Variants in NELL1 observed in about 807,000 individuals in gnomAD.
NELL1 encodes protein kinase C-binding protein NELL1.
Under a neutral mutation model 107.4 loss-of-function variants are expected in NELL1, and 76 were observed. That is an observed-to-expected ratio of 0.71 (90% CI 0.59 to 0.86). The LOEUF is 0.86. Among genes scored for constraint, NELL1 ranks in the 40% least tolerant of loss-of-function variants. The pLI, the probability that NELL1 is intolerant of heterozygous loss-of-function variation, is 0.00. For missense variants in NELL1, 1,024 were observed against 1,005.5 expected (o/e 1.02, Z -0.25); for synonymous variants, 353 against 341.2 (o/e 1.03, Z -0.38).
rs202192711 is a variant in NELL1 at position 20,751,039 on chromosome 11, GTT to G, written c.185-32639_185-32638del. Among the ~76,000 whole-genome samples the G allele has an allele frequency of 5.5e-4, 83 of 151,004 alleles. 1 individual carries two copies. The South Asian group carries it at 0.016, about 28-fold the overall frequency. ...TATTTGTCTATGTGTGTGTGTGTGT[GTT>G]TGTGTGTGTGTGTGTATATATGAAT... On this transcript the variant is annotated intron_variant, in intron 2 of 19. Transcript: ENST00000357134.
chr11:21,077,698 G>T (rs893605467), intron 12 of NELL1, among the ~76,000 whole-genome samples: 1 of 150,612 alleles, frequency 6.6e-6, no homozygotes, highest in Non-Finnish European at 1.5e-5. Context: ...AGCCAAGATT[G>T]CATCACCGCA....
rs1488553358 is a variant in NELL1, at chr11:20,804,345, C to T, written c.335+20515C>T. Among the ~76,000 whole-genome samples the T allele has an allele frequency of 2.6e-5, 4 of 152,290 alleles. No individual in the cohort carries two copies. The East Asian group carries it at 5.8e-4, about 22-fold the overall frequency. Reference sequence around the variant, plus strand: ...CTGCCTCCTGAGTTCAAGCAAGTCTCCTGCCTTGGCCTCTCAAGTAGCTGA... The same window carrying T: ...CTGCCTCCTGAGTTCAAGCAAGTCTTCTGCCTTGGCCTCTCAAGTAGCTGA... On this transcript the variant is annotated intron_variant, in intron 3 of 19. Transcript: ENST00000357134.
At chr11:20,708,335 G>A (rs1855025383) in intron 2 of NELL1, among the ~76,000 whole-genome samples, 1 of 152,174 alleles carries the variant, frequency 6.6e-6, no homozygotes, top group African/African-American at 2.4e-5. Flanking sequence ...CACACTCCTT[G>A]GGTTGCACCC....
rs149301322 is a variant in NELL1, at chr11:21,509,533, A to T, written c.1646-24841A>T. Among the ~76,000 whole-genome samples the T allele has an allele frequency of 3.8e-3, 574 of 152,256 alleles. 3 individuals are homozygous for T. The highest frequency in any genetic ancestry group is 0.013 in the African/African-American group (559 of 41,558). On this transcript the variant is annotated intron_variant, in intron 15 of 19. Transcript: ENST00000357134. Reference sequence around the variant, plus strand: ...CAAATTAGGCTTACTTTTTTTCAAGATGGGTAAATATCAAAATAACAAATG... The same window carrying T: ...CAAATTAGGCTTACTTTTTTTCAAGTTGGGTAAATATCAAAATAACAAATG...
chr11:21,162,444 G>A (rs935989561), intron 13 of NELL1, among the ~76,000 whole-genome samples: 12 of 152,136 alleles, frequency 7.9e-5, no homozygotes, highest in African/African-American at 1.7e-4. Context: ...CTAGATTAAC[G>A]TATTTGAAGA....
At chr11:20,793,409 C>G (rs933271469) in intron 3 of NELL1, among the ~76,000 whole-genome samples, 2 of 151,992 alleles carry the variant, frequency 1.3e-5, no homozygotes, top group African/African-American at 4.8e-5. Flanking sequence ...CCAGGCTCAT[C>G]ATGGGATCAT....
At chr11:21,209,974 G>A (rs748224961) in intron 13 of NELL1, among the ~76,000 whole-genome samples, 1 of 151,994 alleles carries the variant, frequency 6.6e-6, no homozygotes, top group Non-Finnish European at 1.5e-5. Flanking sequence ...TATATAAATA[G>A]GATTATATAA....
intron 3 of NELL1, among the ~76,000 whole-genome samples, chr11:20,819,148 G>A (rs1373811623): frequency 6.6e-6 from 1 of 152,120 alleles, no homozygotes; most frequent in East Asian, 1.9e-4. Context: ...CAGTGCTTTG[G>A]TGGTATTTTT....
In NELL1 at chr11:21,241,437, C is replaced by G. The variant is rs765036469; in HGVS notation, c.1549+11983C>G. ...TAAGGCAAGGTTAGCTTAAATAGAT[C>G]TGTTACCTTTTAATGGCTGTTATGT... On this transcript the variant is annotated intron_variant, in intron 14 of 19. Coordinates refer to ENST00000357134, the MANE Select transcript of NELL1 (RefSeq NM_006157.5). Among the ~76,000 whole-genome samples, 3 of 152,132 alleles carry G rather than the reference C, an allele frequency of 2.0e-5. 1 individual carries two copies. The highest frequency in any genetic ancestry group is 4.4e-5 in the Non-Finnish European group (3 of 68,012).
intron 15 of NELL1, among the ~76,000 whole-genome samples, chr11:21,491,948 C>G (rs754155154): frequency 3.4e-4 from 52 of 152,090 alleles, no homozygotes; most frequent in Non-Finnish European, 5.7e-4. Flanking sequence ...GTATTTTATT[C>G]TCTTTGAAGC....
intron 2 of NELL1, among the ~76,000 whole-genome samples, chr11:20,720,361 C>G (rs1251830129): frequency 6.6e-6 from 1 of 152,076 alleles, no homozygotes; most frequent in Non-Finnish European, 1.5e-5. Flanking sequence ...GCGTGCGCCA[C>G]CATACACGTT....
At chr11:21,540,298 T>C (rs1185525086) in intron 16 of NELL1, among the ~76,000 whole-genome samples, 1 of 152,128 alleles carries the variant, frequency 6.6e-6, no homozygotes, top group South Asian at 2.1e-4. Context: ...TCTAACTGTA[T>C]GTTTGAACCC....
intron 15 of NELL1, among the ~76,000 whole-genome samples, chr11:21,479,950 T>G (rs895366587): frequency 2.6e-5 from 4 of 152,186 alleles, no homozygotes; most frequent in African/African-American, 7.2e-5. Flanking sequence ...CATTCATCTT[T>G]TCCTTATCTG....
intron 15 of NELL1, among the ~76,000 whole-genome samples, chr11:21,387,391 G>A (rs1405825167): frequency 1.3e-5 from 2 of 151,810 alleles, no homozygotes; most frequent in Non-Finnish European, 2.9e-5. Flanking sequence ...TGAATGCAGA[G>A]ATTTTTTTGT....
intron 13 of NELL1, among the ~76,000 whole-genome samples, chr11:21,164,156 C>T (rs1856432417): frequency 6.6e-6 from 1 of 152,152 alleles, no homozygotes; most frequent in South Asian, 2.1e-4. Flanking sequence ...TTGTTTAAGT[C>T]TGTGGTGTTT....
chr11:20,937,658 A>T, intron 9 of NELL1, 128 bp from the exon 10 acceptor site: 1 of 678,912 alleles, frequency 1.5e-6, no homozygotes, highest in South Asian at 1.8e-5. Flanking sequence ...ACTTTAGACA[A>T]AGAGATTTGT....
intron 14 of NELL1, among the ~76,000 whole-genome samples, chr11:21,299,052 T>C (rs974067492): frequency 1.3e-5 from 2 of 151,964 alleles, no homozygotes; most frequent in African/African-American, 2.4e-5. Context: ...CTGGATTTCA[T>C]TGGAAAAAGC....
intron 12 of NELL1, among the ~76,000 whole-genome samples, chr11:20,979,116 G>C (rs1229504229): frequency 6.6e-6 from 1 of 152,130 alleles, no homozygotes; most frequent in Non-Finnish European, 1.5e-5. Flanking sequence ...CTCTTGAAAG[G>C]TCAATGAGCT....
Position 21,113,538 on chromosome 11 carries a change from G to C in NELL1, c.1301-51G>C, listed in dbSNP as rs531851544. 6.4e-6 allele frequency: 10 copies of C among 1,558,794 alleles called. No individual in the cohort carries two copies. The African/African-American group carries it at 8.2e-5, about 13-fold the overall frequency. ...AATTTATCTGCAAAATGATTACACT[G>C]TTGTTCCATTATTTTGCTAACCATG... is the stretch of plus-strand genomic sequence containing the variant. On this transcript the variant is annotated intron_variant, in intron 12 of 19. Transcript: ENST00000357134.
Sources: allele counts gnomAD v4.1 joint callset (sites outside exome capture counted in the v4.1 genomes callset), GRCh38; gene constraint gnomAD v4.1.1; transcripts MANE v1.5; gene names NCBI Gene and HGNC (gene_info 2026-07-23, HGNC 2026-07-21).